The following ARFIP1 variants were observed in gnomAD, a reference collection of about 807,000 sequenced individuals.
ARFIP1 encodes arfaptin-1.
Under a neutral mutation model 42.5 loss-of-function variants are expected in ARFIP1, and 24 were observed. That is an observed-to-expected ratio of 0.57 (90% CI 0.41 to 0.80). The LOEUF is 0.80. Ranked by LOEUF, ARFIP1 falls within the 30% of genes least tolerant of loss-of-function variation. The pLI is 0.00. For missense variants in ARFIP1, 354 were observed against 434.0 expected (o/e 0.82, Z 1.64); for synonymous variants, 141 against 153.7 (o/e 0.92, Z 0.61).
At chr4:152,851,798 G>C (rs1733003348) in intron 2 of ARFIP1, among the ~76,000 whole-genome samples, 1 of 152,016 alleles carries the variant, frequency 6.6e-6, no homozygotes, top group Non-Finnish European at 1.5e-5. Flanking sequence ...TTCATGTGTT[G>C]GTTTTACACT....
chr4:152,798,088 T>C (rs534725180), intron 1 of ARFIP1, among the ~76,000 whole-genome samples: 1 of 152,170 alleles, frequency 6.6e-6, no homozygotes, highest in African/African-American at 2.4e-5. Flanking sequence ...CGAAACTCTG[T>C]CTCTACAAAA....
At chr4:152,819,223 G>A (rs534290422) in intron 1 of ARFIP1, among the ~76,000 whole-genome samples, 1 of 152,256 alleles carries the variant, frequency 6.6e-6, no homozygotes, top group East Asian at 1.9e-4. Flanking sequence ...CCCCGTTACA[G>A]CATCTGCAGG....
intron 1 of ARFIP1, among the ~76,000 whole-genome samples, chr4:152,804,294 T>C (rs1201579595): frequency 4.8e-5 from 3 of 62,290 alleles, no homozygotes; most frequent in African/African-American, 2.3e-4. Flanking sequence ...ACATGTATTA[T>C]ATATATTATA....
intron 5 of ARFIP1, among the ~76,000 whole-genome samples, chr4:152,875,714 C>CT (rs61013994): frequency 0.034 from 4,765 of 139,640 alleles, 170 homozygotes; most frequent in African/African-American, 0.095. Context: ...TATCTTTATT[C>CT]TTTTTTTTTT....
chr4:152,836,350 C>T (rs1440539649), intron 2 of ARFIP1, among the ~76,000 whole-genome samples: 2 of 152,002 alleles, frequency 1.3e-5, no homozygotes, highest in East Asian at 1.9e-4. Context: ...ATTGGTAATC[C>T]TTTCATAGTA....
chr4:152,904,198 A>ATATATATATTT (rs36085096), intron 8 of ARFIP1, among the ~76,000 whole-genome samples: 4 of 126,698 alleles, frequency 3.2e-5, no homozygotes, highest in African/African-American at 1.3e-4. Context: ...ATATATATAT[A>ATATATATATTT]TTTTTTTTTT....
chr4:152,802,422 A>G (rs1404888543), intron 1 of ARFIP1, among the ~76,000 whole-genome samples: 2 of 152,192 alleles, frequency 1.3e-5, no homozygotes, highest in Admixed American at 1.3e-4. Context: ...AAATATAACT[A>G]CTTGATAACA....
At chr4:152,908,995 A>T (rs73863303) in intron 8 of ARFIP1, among the ~76,000 whole-genome samples, 1 of 149,516 alleles carries the variant, frequency 6.7e-6, no homozygotes, top group Non-Finnish European at 1.5e-5. Context: ...TCGTGTTTCA[A>T]ATATTTTTAC....
intron 5 of ARFIP1, among the ~76,000 whole-genome samples, chr4:152,877,005 G>A (rs1735407036): frequency 6.6e-6 from 1 of 152,212 alleles, no homozygotes; most frequent in Admixed American, 6.5e-5. Context: ...CCAGGCAGAA[G>A]TTTGCTACAG....
Position 152,886,547 on chromosome 4 carries a change from A to G in ARFIP1, c.792-1586A>G, listed in dbSNP as rs146980033. On this transcript the variant is annotated intron_variant, in intron 7 of 8. Transcript: ENST00000353617. ...TTTCTGTATCCCAATTCACCTAGCCAGCTTTTACCATCCTTCAAATTTTAA... is the reference window on the plus strand; with the variant it reads ...TTTCTGTATCCCAATTCACCTAGCCGGCTTTTACCATCCTTCAAATTTTAA... Among the ~76,000 whole-genome samples, 1,275 of 152,092 alleles carry G rather than the reference A, an allele frequency of 8.4e-3. 20 individuals are homozygous for G. Among genetic ancestry groups the G allele is most frequent in the African/African-American group, 0.028 (1,175 of 41,536 alleles).
Position 152,870,848 on chromosome 4 carries a change from G to T in ARFIP1, c.298G>T (p.Gly100Cys). The T allele has an allele frequency of 1.9e-6, 3 of 1,609,578 alleles. No individual in the cohort carries two copies. The South Asian group carries it at 3.3e-5, about 18-fold the overall frequency. Residue 100 changes from glycine (G) to cysteine (C), a missense_variant and splice_region_variant, in exon 4 of 9, where the codon GGT (glycine) becomes TGT (cysteine). By Grantham distance (159) the Gly-to-Cys change is radical. Transcript: ENST00000353617. Reference protein sequence around the residue: ...QQGSDLIVPAGGQRTQTKSGP... With the variant: ...QQGSDLIVPACGQRTQTKSGP... ...AGGAAGTGATTTAATTGTTCCTGCA[G>T]GTATTCACTGCACTGATTGGATAAA...
intron 2 of ARFIP1, among the ~76,000 whole-genome samples, chr4:152,834,953 T>C (rs1188022372): frequency 6.6e-6 from 1 of 152,324 alleles, no homozygotes; most frequent in Non-Finnish European, 1.5e-5. Context: ...AGCTGGGATG[T>C]GGGGAGCAGT....
chr4:152,859,634 A>G (rs553661013), intron 2 of ARFIP1, among the ~76,000 whole-genome samples: 13 of 151,992 alleles, frequency 8.6e-5, no homozygotes, highest in African/African-American at 3.1e-4. Flanking sequence ...CTTATTTTTA[A>G]TGATCTTCCA....
intron 1 of ARFIP1, among the ~76,000 whole-genome samples, chr4:152,818,307 C>T (rs969888135): frequency 3.3e-5 from 5 of 152,288 alleles, no homozygotes; most frequent in East Asian, 3.9e-4. Context: ...AGACAGCTGC[C>T]GTGACACACA....
chr4:152,892,031 A>G (rs1435130269), intron 8 of ARFIP1, among the ~76,000 whole-genome samples: 4 of 152,072 alleles, frequency 2.6e-5, no homozygotes, highest in Non-Finnish European at 4.4e-5. Flanking sequence ...TGAAGAAAAC[A>G]TAGTATACTT....
At chr4:152,877,444 A>G (rs1046409833) in intron 5 of ARFIP1, among the ~76,000 whole-genome samples, 6 of 152,164 alleles carry the variant, frequency 3.9e-5, no homozygotes, top group Non-Finnish European at 8.8e-5. Context: ...TATTTACCCA[A>G]TACCTGTACC....
intron 8 of ARFIP1, among the ~76,000 whole-genome samples, chr4:152,906,992 C>T (rs1257292034): frequency 1.3e-5 from 2 of 152,226 alleles, no homozygotes; most frequent in East Asian, 3.8e-4. Context: ...TTAATTGCAA[C>T]TCTCACCCAG....
intron 5 of ARFIP1, among the ~76,000 whole-genome samples, chr4:152,877,540 T>C (rs1735466049): frequency 1.3e-5 from 2 of 152,162 alleles, no homozygotes; most frequent in South Asian, 4.1e-4. Flanking sequence ...CTGTGGACTT[T>C]TGGGTTAAGA....
At chr4:152,849,146 C>T (rs1732788704) in intron 2 of ARFIP1, among the ~76,000 whole-genome samples, 1 of 152,116 alleles carries the variant, frequency 6.6e-6, no homozygotes, top group Admixed American at 6.5e-5. Context: ...TATACACATA[C>T]ATTAAATTAA....
Sources: gnomAD v4.1 joint callset for allele counts (sites outside exome capture counted in the v4.1 genomes callset) on GRCh38, gnomAD v4.1.1 for gene constraint, MANE v1.5 for transcripts, NCBI Gene and HGNC (gene_info 2026-07-23, HGNC 2026-07-21) for gene names.